Variants in PTPRG observed in about 807,000 individuals in gnomAD.
The protein encoded by PTPRG is receptor-type tyrosine-protein phosphatase gamma.
Under a neutral mutation model 165.3 loss-of-function variants are expected in PTPRG, and 102 were observed. That is an observed-to-expected ratio of 0.62 (90% CI 0.53 to 0.73). The LOEUF (loss-of-function observed/expected upper bound fraction) is 0.73, where lower values mean the gene tolerates loss of function less well. PTPRG is among the 30% of genes least tolerant of loss of function. PTPRG has a pLI of 0.00. For synonymous variants in PTPRG, 675 were observed against 669.5 expected, an observed-to-expected ratio of 1.01 and a Z score of -0.13; for missense variants, 1,866 against 1,861.4, an observed-to-expected ratio of 1.00 and a Z score of -0.05.
intron 4 of PTPRG, among the ~76,000 whole-genome samples, chr3:62,025,175 T>G (rs1302578576): frequency 1.3e-5 from 2 of 152,200 alleles, no homozygotes; most frequent in African/African-American, 4.8e-5. Flanking sequence ...ATGTGGTGTC[T>G]TAGCTGTCAC....
chr3:61,580,709 G>C (rs1700274624), intron 1 of PTPRG, among the ~76,000 whole-genome samples: 1 of 152,024 alleles, frequency 6.6e-6, no homozygotes, highest in Non-Finnish European at 1.5e-5. Context: ...ATAAAAGTAA[G>C]GGAAAAAAAC....
intron 1 of PTPRG, among the ~76,000 whole-genome samples, chr3:61,682,989 T>G (rs540716899): frequency 6.6e-6 from 1 of 152,210 alleles, no homozygotes; most frequent in African/African-American, 2.4e-5. Context: ...TCTCTCTTTC[T>G]TCCTTCCTTA....
At chr3:61,677,797 G>A (rs1414234127) in intron 1 of PTPRG, among the ~76,000 whole-genome samples, 1 of 152,082 alleles carries the variant, frequency 6.6e-6, no homozygotes, top group Non-Finnish European at 1.5e-5. Context: ...TCTGGAAATC[G>A]GCAGCCCCTC....
chr3:62,181,525 TC>T (rs1348498243), intron 8 of PTPRG, among the ~76,000 whole-genome samples: 1 of 152,166 alleles, frequency 6.6e-6, no homozygotes, highest in Non-Finnish European at 1.5e-5. Flanking sequence ...TCTAAGCAAC[TC>T]CCCAAGTTTA....
chr3:61,833,840 C>T (rs1311918727), intron 2 of PTPRG, among the ~76,000 whole-genome samples: 3 of 152,174 alleles, frequency 2.0e-5, no homozygotes, highest in African/African-American at 7.2e-5. Context: ...GCTAGGATTA[C>T]AGGCGTGAGC....
rs1366234378 is a variant in PTPRG, at chr3:61,774,442, G to A, written c.190+25460G>A. Among the ~76,000 whole-genome samples the A allele has an allele frequency of 3.3e-5, 5 of 152,276 alleles. No homozygotes were observed. In the East Asian group the frequency reaches 9.7e-4, roughly 29 times the overall value. ...TTATATATACGAAATGTGAGAGTTG[G>A]TACTGGAACTGTTGCATAAGAGTCC... On this transcript the variant is annotated intron_variant, in intron 2 of 29. Transcript: ENST00000474889.
At chr3:61,854,980 GCCGC>G (rs956927757) in intron 2 of PTPRG, among the ~76,000 whole-genome samples, 1 of 152,152 alleles carries the variant, frequency 6.6e-6, no homozygotes, top group African/African-American at 2.4e-5. Flanking sequence ...TAGAGGGAAT[GCCGC>G]TGGTTTATAG....
intron 5 of PTPRG, among the ~76,000 whole-genome samples, chr3:62,112,070 A>G (rs1702687063): frequency 6.6e-6 from 1 of 151,936 alleles, no homozygotes; most frequent in South Asian, 2.1e-4. Flanking sequence ...CCATGGCCCC[A>G]GGTTGAAGCC....
chr3:61,700,553 T>C (rs2030896629), intron 1 of PTPRG, among the ~76,000 whole-genome samples: 2 of 152,330 alleles, frequency 1.3e-5, no homozygotes, highest in Non-Finnish European at 2.9e-5. Flanking sequence ...TTATAACATA[T>C]TTCTGTTTAA....
At position 61,748,883 on chromosome 3, in the gene PTPRG, AC is replaced by A; in HGVS notation, c.92del (p.Thr31LysfsTer59). The A allele has an allele frequency of 6.2e-7, 1 of 1,613,040 alleles. No individual in the cohort carries two copies. The highest frequency in any genetic ancestry group is 8.5e-7 in the Non-Finnish European group (1 of 1,179,884). On this transcript the variant is annotated frameshift_variant, in exon 2 of 30. Coordinates refer to ENST00000474889, the MANE Select transcript of PTPRG (RefSeq NM_002841.4). LOFTEE classifies it high-confidence loss of function. ...LHYVVCFPAL[T>X]EGYVGALHEN... ...TGGGTTTTCCTCTCTTCCAGCGTTG[AC>A]AGAAGGCTACGTTGGGGCCCTGCAC... is the stretch of plus-strand genomic sequence containing the variant.
intron 1 of PTPRG, among the ~76,000 whole-genome samples, chr3:61,702,011 C>T (rs928045594): frequency 6.6e-6 from 1 of 152,050 alleles, no homozygotes; most frequent in African/African-American, 2.4e-5. Flanking sequence ...CAGGGTCTCA[C>T]TCTGTTGCCC....
intron 12 of PTPRG, among the ~76,000 whole-genome samples, chr3:62,205,183 G>T (rs1700198669): frequency 6.6e-6 from 1 of 152,076 alleles, no homozygotes; most frequent in Non-Finnish European, 1.5e-5. Context: ...TCTCCTGTGG[G>T]TATTGCTCAC....
chr3:61,716,195 G>C (rs1436073197), intron 1 of PTPRG, among the ~76,000 whole-genome samples: 2 of 152,142 alleles, frequency 1.3e-5, no homozygotes, highest in Non-Finnish European at 2.9e-5. Flanking sequence ...ACAACTCTGA[G>C]GTTCCTCTAA....
intron 2 of PTPRG, among the ~76,000 whole-genome samples, chr3:61,984,072 A>G (rs1378324863): frequency 2.0e-5 from 3 of 152,180 alleles, no homozygotes; most frequent in Non-Finnish European, 4.4e-5. Context: ...TATCTGCCTT[A>G]AACAGACCAG....
At chr3:62,115,320 C>A (rs1391042086) in intron 5 of PTPRG, among the ~76,000 whole-genome samples, 1 of 152,068 alleles carries the variant, frequency 6.6e-6, no homozygotes, top group African/African-American at 2.4e-5. Flanking sequence ...TGAAAAAAAC[C>A]CCTTTCCCTT....
At chr3:62,182,456 T>G (rs1218702950) in intron 8 of PTPRG, among the ~76,000 whole-genome samples, 3 of 152,220 alleles carry the variant, frequency 2.0e-5, no homozygotes, top group Non-Finnish European at 4.4e-5. Flanking sequence ...GTTCACAAAC[T>G]TCTGTGAATT....
At chr3:61,967,424 C>T (rs1320778080) in intron 2 of PTPRG, among the ~76,000 whole-genome samples, 1 of 152,154 alleles carries the variant, frequency 6.6e-6, no homozygotes, top group East Asian at 1.9e-4. Flanking sequence ...ACTCCTTAAT[C>T]TCCATTCTAC....
intron 12 of PTPRG, among the ~76,000 whole-genome samples, chr3:62,205,166 G>C (rs917093544): frequency 6.6e-6 from 1 of 152,056 alleles, no homozygotes; most frequent in Non-Finnish European, 1.5e-5. Flanking sequence ...ATTTTTTGAA[G>C]TGGGGGTCTC....
At chr3:61,863,332 G>T (rs1408924836) in intron 2 of PTPRG, among the ~76,000 whole-genome samples, 1 of 152,148 alleles carries the variant, frequency 6.6e-6, no homozygotes, top group African/African-American at 2.4e-5. Context: ...GCATTTAGGT[G>T]GTGGGTAGGT....
Sources: gnomAD v4.1 joint callset for allele counts (sites outside exome capture counted in the v4.1 genomes callset) on GRCh38, gnomAD v4.1.1 for gene constraint, MANE v1.5 for transcripts, NCBI Gene and HGNC (gene_info 2026-07-23, HGNC 2026-07-21) for gene names.